Variants in KHDRBS3 observed in about 807,000 individuals in gnomAD.
KHDRBS3 encodes KH RNA binding domain containing, signal transduction associated 3.
A neutral mutation model predicts 45.6 loss-of-function variants in KHDRBS3; 23 were observed. The ratio of observed to expected loss-of-function variants is 0.50; its 90% CI spans 0.36 to 0.72. KHDRBS3 has a LOEUF of 0.72. Among genes scored for constraint, KHDRBS3 ranks in the 30% least tolerant of loss-of-function variants. The probability of loss-of-function intolerance (pLI) is 0.00; values close to 1 mark genes in which losing one functional copy is unlikely to be tolerated. For missense variants in KHDRBS3, 352 were observed against 424.8 expected (o/e 0.83, Z 1.51); for synonymous variants, 162 against 156.5 (o/e 1.04, Z -0.26).
Position 135,557,437 on chromosome 8 carries a change from CT to C in KHDRBS3, c.472-7del. 1.9e-6 allele frequency: 3 copies of C among 1,575,862 alleles called. No individual in the cohort carries two copies. The highest frequency in any genetic ancestry group is 2.6e-6 in the Non-Finnish European group (3 of 1,158,498). ...TGAAGTGAATTTTGCTATCTTCTGT[CT>C]TTTGTGTAGGATTATAATGATGAGA... On this transcript the variant is annotated splice_polypyrimidine_tract_variant and intron_variant, in intron 4 of 8. Transcript: ENST00000355849.
intron 2 of KHDRBS3, chr8:135,540,960 A>G (rs997147206): frequency 6.6e-6 from 1 of 152,244 alleles, no homozygotes; most frequent in African/African-American, 2.4e-5. Flanking sequence ...GAAGAAGCAG[A>G]TACTTTAAAC....
At chr8:135,594,423 A>G (rs972033878) in intron 6 of KHDRBS3, among the ~76,000 whole-genome samples, 5 of 152,214 alleles carry the variant, frequency 3.3e-5, no homozygotes, top group African/African-American at 1.2e-4. Flanking sequence ...TTTAATTGCT[A>G]TGTGACCTTA....
At chr8:135,485,066 C>T (rs1211758016) in intron 1 of KHDRBS3, among the ~76,000 whole-genome samples, 2 of 151,988 alleles carry the variant, frequency 1.3e-5, no homozygotes, top group East Asian at 3.9e-4. Context: ...CAGAAAAAAC[C>T]CTCTCTCTCC....
intron 4 of KHDRBS3, among the ~76,000 whole-genome samples, chr8:135,555,208 C>T (rs1826814999): frequency 6.6e-6 from 1 of 152,128 alleles, no homozygotes; most frequent in Admixed American, 6.6e-5. Flanking sequence ...TCTTATCCTC[C>T]TCAGTTTCTT....
At chr8:135,555,658 A>G (rs1170726779) in intron 4 of KHDRBS3, among the ~76,000 whole-genome samples, 1 of 152,084 alleles carries the variant, frequency 6.6e-6, no homozygotes, top group Non-Finnish European at 1.5e-5. Context: ...TGCAGAAGAG[A>G]CTACTTAAAA....
At chr8:135,462,914 C>T (rs757089311) in intron 1 of KHDRBS3, among the ~76,000 whole-genome samples, 2 of 152,114 alleles carry the variant, frequency 1.3e-5, no homozygotes, top group Non-Finnish European at 2.9e-5. Flanking sequence ...GAATCAAAAC[C>T]CTGGCTTTTT....
At chr8:135,655,191 A>C (rs1051520694) in intron 4 of KHDRBS3, among the ~76,000 whole-genome samples, 1 of 152,192 alleles carries the variant, frequency 6.6e-6, no homozygotes, top group Non-Finnish European at 1.5e-5. Flanking sequence ...TAGAGGATTC[A>C]CCTTTAAATA....
intron 5 of KHDRBS3, among the ~76,000 whole-genome samples, chr8:135,563,661 C>G (rs1827270930): frequency 6.6e-6 from 1 of 152,218 alleles, no homozygotes; most frequent in South Asian, 2.1e-4. Flanking sequence ...TCTTTAGCCT[C>G]TTTCTGATCA....
At chr8:135,482,744 AG>A (rs1822647455) in intron 1 of KHDRBS3, among the ~76,000 whole-genome samples, 1 of 152,128 alleles carries the variant, frequency 6.6e-6, no homozygotes, top group African/African-American at 2.4e-5. Context: ...ATTAGCTGTG[AG>A]GATTTGGGCA....
At chr8:135,655,995 G>C (rs1831524077) in intron 4 of KHDRBS3, among the ~76,000 whole-genome samples, 1 of 152,162 alleles carries the variant, frequency 6.6e-6, no homozygotes, top group Admixed American at 6.5e-5. Flanking sequence ...ATAATGGATA[G>C]TAGTGTAATC....
At chr8:135,623,005 C>T (rs1007573741) in intron 7 of KHDRBS3, among the ~76,000 whole-genome samples, 3 of 152,216 alleles carry the variant, frequency 2.0e-5, no homozygotes, top group Non-Finnish European at 4.4e-5. Flanking sequence ...AGACCTTCCC[C>T]GGAACCTCAG....
intron 6 of KHDRBS3, among the ~76,000 whole-genome samples, chr8:135,596,000 G>T (rs369120903): frequency 3.3e-5 from 5 of 152,202 alleles, no homozygotes; most frequent in African/African-American, 1.2e-4. Context: ...ATCTTTGAAG[G>T]CGTGAAAGCT....
At position 135,514,783 on chromosome 8, in the gene KHDRBS3, C is replaced by T. The variant is rs75038730; in HGVS notation, c.89-6454C>T. Reference sequence around the variant, plus strand: ...GAATTCTGACTGTGCTATTAGCTCTCTAACCTTTGCAAACTTCTTAACCAT... The same window carrying T: ...GAATTCTGACTGTGCTATTAGCTCTTTAACCTTTGCAAACTTCTTAACCAT... On this transcript the variant is annotated intron_variant, in intron 1 of 8. Transcript: ENST00000355849. Among the ~76,000 whole-genome samples the T allele has an allele frequency of 4.1e-3, 624 of 152,276 alleles. 3 individuals carry two copies. The highest frequency in any genetic ancestry group is 0.013 in the African/African-American group (545 of 41,546).
intron 5 of KHDRBS3, among the ~76,000 whole-genome samples, chr8:135,580,396 A>C (rs1828144945): frequency 6.6e-6 from 1 of 152,160 alleles, no homozygotes; most frequent in African/African-American, 2.4e-5. Flanking sequence ...TTTTTGGAAG[A>C]TCATTAACTA....
At chr8:135,651,575 T>G (rs546931289), downstream of KHDRBS3, among the ~76,000 whole-genome samples, 1 of 152,254 alleles carries the variant, frequency 6.6e-6, no homozygotes, top group Non-Finnish European at 1.5e-5. Flanking sequence ...GCAACCATTT[T>G]CAAGTGTAGT....
At chr8:135,594,270 A>G (rs1782456404) in intron 6 of KHDRBS3, among the ~76,000 whole-genome samples, 1 of 152,230 alleles carries the variant, frequency 6.6e-6, no homozygotes, top group African/African-American at 2.4e-5. Context: ...GGCCATCTCG[A>G]TATGTTCTTA....
chr8:135,528,369 T>C (rs1032747348), intron 2 of KHDRBS3, among the ~76,000 whole-genome samples: 19 of 152,172 alleles, frequency 1.2e-4, no homozygotes, highest in African/African-American at 4.6e-4. Flanking sequence ...AATTACTACT[T>C]GGTAGAAGCC....
intron 1 of KHDRBS3, among the ~76,000 whole-genome samples, chr8:135,462,521 G>A (rs530404600): frequency 3.3e-5 from 5 of 152,138 alleles, no homozygotes; most frequent in African/African-American, 4.8e-5. Context: ...CTTTCCTAAG[G>A]AACATCTTAG....
chr8:135,555,033 TTTA>T (rs1826805264), intron 4 of KHDRBS3, among the ~76,000 whole-genome samples: 1 of 152,216 alleles, frequency 6.6e-6, no homozygotes, highest in Admixed American at 6.5e-5. Flanking sequence ...CTTACTGCTA[TTTA>T]TTATTTATTC....
Sources: gnomAD v4.1 joint callset for allele counts (sites outside exome capture counted in the v4.1 genomes callset) on GRCh38, gnomAD v4.1.1 for gene constraint, MANE v1.5 for transcripts, NCBI Gene and HGNC (gene_info 2026-07-23, HGNC 2026-07-21) for gene names.